The following ANKRD44 variants were observed in gnomAD, a reference collection of about 807,000 sequenced individuals.
ANKRD44 encodes serine/threonine-protein phosphatase 6 regulatory ankyrin repeat subunit B.
A neutral mutation model predicts 116.0 loss-of-function variants in ANKRD44; 35 were observed. That is an observed-to-expected ratio of 0.30 (90% CI 0.23 to 0.40). The LOEUF is 0.40. Ranked by LOEUF, ANKRD44 falls within the 10% of genes least tolerant of loss-of-function variation. The probability of loss-of-function intolerance (pLI) is 1.00; values close to 1 mark genes in which losing one functional copy is unlikely to be tolerated. For missense variants in ANKRD44, 1,014 were observed against 1,242.6 expected (o/e 0.82, Z 2.77); for synonymous variants, 435 against 461.8 (o/e 0.94, Z 0.74).
intron 3 of ANKRD44, among the ~76,000 whole-genome samples, chr2:197,146,665 T>A (rs1462561404): frequency 2.0e-5 from 3 of 152,102 alleles, no homozygotes; most frequent in African/African-American, 7.2e-5. Context: ...GTATATATAC[T>A]CACTATACAT....
intron 9 of ANKRD44, among the ~76,000 whole-genome samples, chr2:197,105,121 GT>G (rs111342719): frequency 1.3e-5 from 2 of 150,868 alleles, no homozygotes; most frequent in African/African-American, 2.4e-5. Context: ...TTATTTTGGG[GT>G]TTTTTTTTGA....
At chr2:197,116,607 T>C (rs2078715647) in intron 8 of ANKRD44, among the ~76,000 whole-genome samples, 1 of 152,230 alleles carries the variant, frequency 6.6e-6, no homozygotes, top group Non-Finnish European at 1.5e-5. Context: ...TAACTCCTTT[T>C]ATCATCCCTT....
At chr2:197,038,765 T>C (rs372177217) in intron 16 of ANKRD44, among the ~76,000 whole-genome samples, 30 of 152,252 alleles carry the variant, frequency 2.0e-4, no homozygotes, top group East Asian at 1.9e-3. Flanking sequence ...AGATGAGAAA[T>C]AGTGTTAAGA....
intron 1 of ANKRD44, among the ~76,000 whole-genome samples, chr2:197,309,081 T>C (rs1055062971): frequency 2.0e-5 from 3 of 152,238 alleles, no homozygotes; most frequent in East Asian, 1.9e-4. Context: ...GTGATAACAA[T>C]ACCTATTAGA....
intron 1 of ANKRD44, among the ~76,000 whole-genome samples, chr2:197,207,717 T>G (rs2081239109): frequency 6.6e-6 from 1 of 152,056 alleles, no homozygotes; most frequent in African/African-American, 2.4e-5. Context: ...CACCCCAGAT[T>G]GGTAGCACTG....
chr2:197,185,380 TGAATAAAGCATTCAGCCGACCA>T (rs1341920349), intron 2 of ANKRD44, among the ~76,000 whole-genome samples: 4 of 152,248 alleles, frequency 2.6e-5, no homozygotes, highest in Admixed American at 6.5e-5. Flanking sequence ...ACTCGCCTTC[TGAATAAAGCATTCAGCCGACCA>T]GACAGACGTA....
chr2:197,305,992 T>TATATATATATATATATA, intron 1 of ANKRD44, among the ~76,000 whole-genome samples: 1 of 145,232 alleles, frequency 6.9e-6, no homozygotes. Flanking sequence ...TATATATATA[T>TATATATATATATATATA]GAAAAAAATC....
chr2:197,204,736 C>A (rs1415718423), intron 1 of ANKRD44, among the ~76,000 whole-genome samples: 1 of 152,176 alleles, frequency 6.6e-6, no homozygotes, highest in African/African-American at 2.4e-5. Context: ...AGCCCGCAGG[C>A]TCCAGTTAGC....
chr2:197,017,808 C>T (rs2076419839), intron 17 of ANKRD44, among the ~76,000 whole-genome samples: 1 of 152,216 alleles, frequency 6.6e-6, no homozygotes, highest in African/African-American at 2.4e-5. Flanking sequence ...TCTTTGTCTT[C>T]CCTCCTGTTA....
At chr2:196,978,119 A>T (rs1196971068) in intron 21 of ANKRD44, among the ~76,000 whole-genome samples, 1 of 152,096 alleles carries the variant, frequency 6.6e-6, no homozygotes, top group African/African-American at 2.4e-5. Flanking sequence ...TATAATCCCC[A>T]ATGTTAGAGG....
At chr2:196,976,702 C>T (rs1484749087) in intron 21 of ANKRD44, among the ~76,000 whole-genome samples, 2 of 151,814 alleles carry the variant, frequency 1.3e-5, no homozygotes, top group African/African-American at 4.8e-5. Flanking sequence ...CCTATCGCCA[C>T]AAAAAAATAC....
At chr2:197,062,913 G>A (rs909151696) in intron 16 of ANKRD44, among the ~76,000 whole-genome samples, 10 of 152,042 alleles carry the variant, frequency 6.6e-5, no homozygotes, top group African/African-American at 9.7e-5. Context: ...CCAAACAAAA[G>A]GCAGCAGAAA....
chr2:197,289,535 A>G (rs2105868392), intron 1 of ANKRD44, among the ~76,000 whole-genome samples: 1 of 152,362 alleles, frequency 6.6e-6, no homozygotes, highest in South Asian at 2.1e-4. Context: ...AACACTATTT[A>G]GCAATAAGAA....
chr2:197,021,278 AG>A (rs2076494048), intron 17 of ANKRD44, among the ~76,000 whole-genome samples: 1 of 152,190 alleles, frequency 6.6e-6, no homozygotes, highest in Non-Finnish European at 1.5e-5. Flanking sequence ...GTGTCTTTCT[AG>A]TAGCATGATT....
chr2:196,984,771 C>A (rs1303327396), downstream of ANKRD44, among the ~76,000 whole-genome samples: 2 of 152,208 alleles, frequency 1.3e-5, no homozygotes, highest in African/African-American at 4.8e-5. Context: ...CAAGCAATTT[C>A]CTTAGCAATG....
chr2:197,304,046 C>T (rs184990051), intron 1 of ANKRD44, among the ~76,000 whole-genome samples: 1 of 152,318 alleles, frequency 6.6e-6, no homozygotes, highest in East Asian at 1.9e-4. Context: ...TGGCTTACCC[C>T]TGTAATCCCA....
At chr2:197,001,249 A>G (rs1486094413) in intron 22 of ANKRD44, among the ~76,000 whole-genome samples, 1 of 152,226 alleles carries the variant, frequency 6.6e-6, no homozygotes, top group African/African-American at 2.4e-5. Context: ...CAGGCTGACT[A>G]TGGAAGTCTG....
At chr2:197,283,901 T>C (rs2083333600) in intron 1 of ANKRD44, among the ~76,000 whole-genome samples, 1 of 152,190 alleles carries the variant, frequency 6.6e-6, no homozygotes, top group Non-Finnish European at 1.5e-5. Context: ...TTTCTAACAC[T>C]GCATTATTTT....
chr2:197,111,721 TTAAAA>T lies in ANKRD44; in HGVS notation c.907-882_907-878del, dbSNP rs776173511. The stretch of plus-strand genomic sequence containing the variant: ...ATTCCATTTAAAAAAAAAATCACTT[TTAAAA>T]TAAAATAAAACAAAAAAGAAAAAAT... On this transcript the variant is annotated intron_variant, in intron 8 of 27. Coordinates refer to ENST00000282272, the MANE Select transcript of ANKRD44 (RefSeq NM_001195144.2). Among the ~76,000 whole-genome samples the T allele has an allele frequency of 2.3e-3, 342 of 149,982 alleles. 2 individuals carry two copies. Among genetic ancestry groups the T allele is most frequent in the Non-Finnish European group, 4.3e-3 (291 of 67,364 alleles).
Sources: gnomAD v4.1 joint callset for allele counts (sites outside exome capture counted in the v4.1 genomes callset) on GRCh38, gnomAD v4.1.1 for gene constraint, MANE v1.5 for transcripts, NCBI Gene and HGNC (gene_info 2026-07-23, HGNC 2026-07-21) for gene names.